Variants in NAALADL2 observed in about 807,000 individuals in gnomAD.
NAALADL2 encodes the protein inactive N-acetylated-alpha-linked acidic dipeptidase-like protein 2.
In NAALADL2, 76 loss-of-function variants were observed where a neutral mutation model predicts 87.2. That is an observed-to-expected ratio of 0.87 (90% CI 0.72 to 1.05). NAALADL2 has a LOEUF of 1.05. Ranked by LOEUF, NAALADL2 falls within the 50% of genes least tolerant of loss-of-function variation. NAALADL2 has a pLI of 0.00. For synonymous variants in NAALADL2, 354 were observed against 331.0 expected (o/e 1.07, Z -0.75); for missense variants, 1,089 against 945.8 (o/e 1.15, Z -1.99).
chr3:175,275,265 A>G (rs766418055), intron 4 of NAALADL2, among the ~76,000 whole-genome samples: 1 of 152,196 alleles, frequency 6.6e-6, no homozygotes, highest in Non-Finnish European at 1.5e-5. Flanking sequence ...AATTTCTAAG[A>G]ATGTCCATCC....
chr3:175,458,642 C>T lies in NAALADL2; in HGVS notation c.1235-4759C>T, dbSNP rs144377649. Among the ~76,000 whole-genome samples, 986 of 150,436 alleles carry T rather than the reference C, an allele frequency of 6.6e-3. 8 individuals carry two copies. Among genetic ancestry groups the T allele is most frequent in the African/African-American group, 0.023 (955 of 41,188 alleles). On this transcript the variant is annotated intron_variant, in intron 6 of 13. Coordinates refer to ENST00000454872, the MANE Select transcript of NAALADL2 (RefSeq NM_207015.3). ...CATATCAATATCAAGTTTTATTTAT[C>T]TTTCCATGTTTGTAAATCTTTTCTC...
chr3:175,221,124 A>C (rs1743294566), intron 2 of NAALADL2, among the ~76,000 whole-genome samples: 2 of 151,294 alleles, frequency 1.3e-5, no homozygotes, highest in Non-Finnish European at 2.9e-5. Context: ...ACTTGAACCC[A>C]GGAGGCAGAG....
At chr3:175,589,832 G>T (rs1464782134) in intron 10 of NAALADL2, among the ~76,000 whole-genome samples, 3 of 150,512 alleles carry the variant, frequency 2.0e-5, no homozygotes, top group Non-Finnish European at 3.0e-5. Context: ...CTCCCCGAAT[G>T]GTGGTACATT....
intron 2 of NAALADL2, among the ~76,000 whole-genome samples, chr3:175,210,656 GAAAA>G (rs888145062): frequency 2.0e-5 from 3 of 150,994 alleles, no homozygotes; most frequent in African/African-American, 7.3e-5. Flanking sequence ...AAGAAAATAA[GAAAA>G]AAGGGAAAAG....
In NAALADL2 at chr3:175,522,894, A is replaced by C. The variant is rs372696114; in HGVS notation, c.1653+51136A>C. Among the ~76,000 whole-genome samples, 5 of 152,208 alleles carry C rather than the reference A, an allele frequency of 3.3e-5. No individual in the cohort carries two copies. In the South Asian group the frequency reaches 1.0e-3, roughly 32 times the overall value. Reference sequence around the variant, plus strand: ...ATTTCTCTACATATCCCTTAAAATCATCCAACTGTATATAAGGTTCAATTG... The same window carrying C: ...ATTTCTCTACATATCCCTTAAAATCCTCCAACTGTATATAAGGTTCAATTG... On this transcript the variant is annotated intron_variant, in intron 9 of 13. Coordinates refer to ENST00000454872, the MANE Select transcript of NAALADL2 (RefSeq NM_207015.3).
chr3:175,072,745 G>A (rs1715890473), intron 1 of NAALADL2, among the ~76,000 whole-genome samples: 1 of 148,134 alleles, frequency 6.8e-6, no homozygotes, highest in Non-Finnish European at 1.5e-5. Flanking sequence ...GCTAAATGAC[G>A]AGTTAATGGG....
chr3:174,624,350 G>A (rs1401630038), intron 2 of NAALADL2, among the ~76,000 whole-genome samples: 5 of 152,112 alleles, frequency 3.3e-5, no homozygotes, highest in African/African-American at 7.2e-5. Context: ...GGGGCCGGGC[G>A]CGGTGGCTCA....
chr3:174,903,940 G>C (rs1006816213), intron 1 of NAALADL2, among the ~76,000 whole-genome samples: 2 of 149,448 alleles, frequency 1.3e-5, no homozygotes, highest in Admixed American at 6.6e-5. Flanking sequence ...ATTCTTCGCA[G>C]GGCCAGAAAG....
intron 5 of NAALADL2, among the ~76,000 whole-genome samples, chr3:175,388,966 G>A (rs1419464544): frequency 1.3e-5 from 2 of 151,980 alleles, no homozygotes; most frequent in Admixed American, 1.3e-4. Flanking sequence ...ATTCTGCCCT[G>A]ATGAGTATTC....
At chr3:175,667,127 A>AAAAG (rs752122708) in intron 11 of NAALADL2, among the ~76,000 whole-genome samples, 2 of 147,496 alleles carry the variant, frequency 1.4e-5, no homozygotes, top group African/African-American at 5.2e-5. Flanking sequence ...GAGAGAGAGA[A>AAAAG]AAAGAAAGAA....
intron 1 of NAALADL2, among the ~76,000 whole-genome samples, chr3:174,947,824 AATT>A (rs1739686154): frequency 6.6e-6 from 1 of 152,006 alleles, no homozygotes; most frequent in Non-Finnish European, 1.5e-5. Context: ...GTGGTGTCTA[AATT>A]ATTATAATTA....
At chr3:174,793,582 T>G (rs1011396936) in intron 3 of NAALADL2, among the ~76,000 whole-genome samples, 12 of 152,150 alleles carry the variant, frequency 7.9e-5, no homozygotes, top group African/African-American at 2.9e-4. Flanking sequence ...TACTTCTGAA[T>G]GAACCTACTC....
chr3:175,646,494 T>C (rs1178874394), intron 11 of NAALADL2, among the ~76,000 whole-genome samples: 1 of 152,094 alleles, frequency 6.6e-6, no homozygotes, highest in Non-Finnish European at 1.5e-5. Flanking sequence ...CTGCATGTAG[T>C]CATTTTTTTC....
chr3:175,124,052 TG>T (rs1480905723), intron 2 of NAALADL2, among the ~76,000 whole-genome samples: 1 of 151,972 alleles, frequency 6.6e-6, no homozygotes, highest in Non-Finnish European at 1.5e-5. Context: ...GTGTTGTTTT[TG>T]CCCATCTCTT....
chr3:175,708,847 G>A (rs1740115689), intron 11 of NAALADL2, among the ~76,000 whole-genome samples: 1 of 151,512 alleles, frequency 6.6e-6, no homozygotes, highest in African/African-American at 2.4e-5. Context: ...AAATGGAAGA[G>A]AAGAAATATA....
intron 1 of NAALADL2, among the ~76,000 whole-genome samples, chr3:175,070,167 ATAAAC>A (rs1715355636): frequency 1.3e-5 from 2 of 151,516 alleles, no homozygotes; most frequent in African/African-American, 2.4e-5. Context: ...TATAATAATA[ATAAAC>A]TAAAATAAAA....
At chr3:175,595,520 CA>C (rs1434821088) in intron 10 of NAALADL2, among the ~76,000 whole-genome samples, 1 of 151,804 alleles carries the variant, frequency 6.6e-6, no homozygotes, top group Non-Finnish European at 1.5e-5. Flanking sequence ...AACTGATAAA[CA>C]AAGTTATCAG....
chr3:174,739,946 A>T (rs1249669304), intron 3 of NAALADL2, among the ~76,000 whole-genome samples: 2 of 152,090 alleles, frequency 1.3e-5, no homozygotes. Context: ...AAATGTTAGC[A>T]GTTAAAGTAA....
intron 9 of NAALADL2, among the ~76,000 whole-genome samples, chr3:175,570,326 T>C (rs1717862276): frequency 6.6e-6 from 1 of 152,192 alleles, no homozygotes; most frequent in Non-Finnish European, 1.5e-5. Flanking sequence ...GTCAATTCAA[T>C]GTTAATTTAA....
Sources: allele counts gnomAD v4.1 joint callset (sites outside exome capture counted in the v4.1 genomes callset), GRCh38; gene constraint gnomAD v4.1.1; transcripts MANE v1.5; gene names NCBI Gene and HGNC (gene_info 2026-07-23, HGNC 2026-07-21).